The following CPZ variants were observed in gnomAD, a reference collection of about 807,000 sequenced individuals.
The protein encoded by CPZ is VEZT/CPZ fusion.
Under a neutral mutation model 61.8 loss-of-function variants are expected in CPZ, and 103 were observed. That is an observed-to-expected ratio of 1.67 (90% CI 1.42 to 1.96). The LOEUF (loss-of-function observed/expected upper bound fraction) is 1.96. CPZ is among the 30% of genes most tolerant of loss of function. CPZ has a pLI of 0.00. For missense variants in CPZ, 1,461 were observed against 914.9 expected (o/e 1.60, Z -7.70); for synonymous variants, 551 against 373.7 (o/e 1.47, Z -5.47).
At chr4:8,599,421 G>A (rs1338237391) in intron 1 of CPZ, 32 bp from the exon 2 acceptor site, 2 of 1,583,730 alleles carry the variant, frequency 1.3e-6, no homozygotes, top group East Asian at 4.5e-5. Flanking sequence ...TGGCGAGGCA[G>A]GTCCCTAACA....
rs1715134810 is a variant in CPZ at position 8,607,444 on chromosome 4, G to T, written c.1227+19G>T. The T allele has an allele frequency of 6.2e-7, 1 of 1,612,092 alleles. No individual in the cohort carries two copies. The highest frequency in any genetic ancestry group is 1.3e-5 in the African/African-American group (1 of 74,912). ...CGAGAAGGTGAGAGGGCTGTCGGGT[G>T]TGTGCAGGGGAGGGAGACAGTGTGC... On this transcript the variant is annotated intron_variant, in intron 7 of 10. Transcript: ENST00000360986.
chr4:8,605,903 G>A, intron 4 of CPZ, 86 bp from the exon 5 acceptor site: 1 of 1,353,034 alleles, frequency 7.4e-7, no homozygotes, highest in Non-Finnish European at 1.0e-6. Flanking sequence ...AGCCCATCTG[G>A]TCATTCTTGC....
chr4:8,592,823 G>A lies in CPZ; in HGVS notation c.-11G>A, dbSNP rs1352333617. On this transcript the variant is annotated 5_prime_UTR_variant, in exon 1 of 11. Coordinates refer to ENST00000360986, the MANE Select transcript of CPZ (RefSeq NM_001014447.3). ...TCACTGCGCTGGCCGTCCAAGGTCC[G>A]CCGCCCCACCATGCCGCCCCCGCTG... is the stretch of plus-strand genomic sequence containing the variant. 1.4e-6 allele frequency: 2 copies of A among 1,452,044 alleles called. No homozygotes were observed. The highest frequency in any genetic ancestry group is 9.0e-7 in the Non-Finnish European group (1 of 1,108,154). 89.9% of individuals were successfully genotyped at this position (1,452,044 alleles called of 1,614,324 possible).
intron 9 of CPZ, among the ~76,000 whole-genome samples, chr4:8,615,066 T>G (rs1716048730): frequency 6.6e-6 from 1 of 151,882 alleles, no homozygotes; most frequent in Admixed American, 6.6e-5. Flanking sequence ...GCTGTGTGGT[T>G]CAGGCAGGGT....
intron 1 of CPZ, among the ~76,000 whole-genome samples, chr4:8,597,800 G>C (rs559318782): frequency 6.6e-6 from 1 of 152,330 alleles, no homozygotes; most frequent in African/African-American, 2.4e-5. Flanking sequence ...CGTGTGCTGG[G>C]CTCGGACCAT....
chr4:8,594,716 T>C (rs1475067595), intron 1 of CPZ, among the ~76,000 whole-genome samples: 1 of 152,138 alleles, frequency 6.6e-6, no homozygotes, highest in Non-Finnish European at 1.5e-5. Flanking sequence ...TTTTATATTT[T>C]CTAGTAGCCA....
chr4:8,607,846 G>A (rs1715173706), intron 7 of CPZ, among the ~76,000 whole-genome samples: 1 of 152,144 alleles, frequency 6.6e-6, no homozygotes, highest in Non-Finnish European at 1.5e-5. Context: ...CCTGCTTCCC[G>A]GGGGTCGTGC....
intron 7 of CPZ, among the ~76,000 whole-genome samples, chr4:8,610,643 T>G (rs1320965585): frequency 6.6e-6 from 1 of 152,192 alleles, no homozygotes; most frequent in Non-Finnish European, 1.5e-5. Flanking sequence ...GACCGTTTGT[T>G]GGATGTGATT....
At chr4:8,602,495 G>C (rs546781014) in intron 3 of CPZ, 1 of 152,472 alleles carries the variant, frequency 6.6e-6, no homozygotes, top group South Asian at 2.1e-4. Context: ...CAACTGTGCA[G>C]GGCAGTGTCC....
chr4:8,617,426 A>C (rs1343327364), intron 9 of CPZ, among the ~76,000 whole-genome samples: 1 of 152,104 alleles, frequency 6.6e-6, no homozygotes, highest in African/African-American at 2.4e-5. Context: ...CTGCTTCCTG[A>C]CCCTGTGGGC....
rs1302242757 is a variant in CPZ at position 8,609,140 on chromosome 4, T to TCAGC, written c.1227+1717_1227+1718insGCCA. On this transcript the variant is annotated intron_variant, in intron 7 of 10. Coordinates refer to ENST00000360986, the MANE Select transcript of CPZ (RefSeq NM_001014447.3). The stretch of plus-strand genomic sequence containing the variant: ...CTCCCTCACTCATTCACTCATTTAC[T>TCAGC]CATTCACCCACTCCCTCACTCATTC... Among the ~76,000 whole-genome samples, 298 of 47,330 alleles carry TCAGC rather than the reference T, an allele frequency of 6.3e-3. 3 individuals carry two copies. The highest frequency in any genetic ancestry group is 0.039 in the South Asian group (52 of 1,338). The allele number at this position is 47,330 out of a possible 152,430, so 31.1% of individuals were successfully genotyped here. A position where few individuals can be genotyped will look rare whatever the true frequency, so the allele number is the denominator to read the frequency against.
intron 6 of CPZ, 137 bp from the exon 7 acceptor site, chr4:8,607,130 A>G (rs1230037918): frequency 1.7e-6 from 2 of 1,154,576 alleles, no homozygotes; most frequent in Non-Finnish European, 2.4e-6. Flanking sequence ...ATGGGGGCCG[A>G]GTCCAGCTGG....
At chr4:8,599,549 A>T (rs1174015504) in intron 2 of CPZ, 64 bp downstream of exon 2, 1 of 1,602,122 alleles carries the variant, frequency 6.2e-7, no homozygotes, top group Non-Finnish European at 8.5e-7. Context: ...ACACTGTCAG[A>T]GCACTTTAGG....
At chr4:8,595,395 A>T (rs1395205736) in intron 1 of CPZ, among the ~76,000 whole-genome samples, 1 of 152,234 alleles carries the variant, frequency 6.6e-6, no homozygotes, top group East Asian at 1.9e-4. Flanking sequence ...AATGGTGAAT[A>T]GCCTAACCAG....
At chr4:8,593,777 C>G (rs931635129) in intron 1 of CPZ, among the ~76,000 whole-genome samples, 2 of 152,178 alleles carry the variant, frequency 1.3e-5, no homozygotes, top group African/African-American at 4.8e-5. Context: ...CACAATACCC[C>G]ACCCCAGTGC....
chr4:8,615,372 A>C (rs1379729944), intron 9 of CPZ, among the ~76,000 whole-genome samples: 3 of 152,206 alleles, frequency 2.0e-5, no homozygotes, highest in African/African-American at 7.2e-5. Context: ...AGGGTCCAGG[A>C]TGTCACAGGG....
chr4:8,615,515 GGA>G (rs1219895602), intron 9 of CPZ, among the ~76,000 whole-genome samples: 1 of 152,240 alleles, frequency 6.6e-6, no homozygotes, highest in Non-Finnish European at 1.5e-5. Flanking sequence ...GCAGCAGCAA[GGA>G]GAGGTGAGGG....
intron 7 of CPZ, among the ~76,000 whole-genome samples, chr4:8,609,101 C>T (rs1268959239): frequency 1.8e-3 from 12 of 6,710 alleles, no homozygotes; most frequent in African/African-American, 2.4e-3. Flanking sequence ...TTCACTCACT[C>T]ACTCCCTTCC....
At chr4:8,593,251 G>A (rs1713931570) in intron 1 of CPZ, among the ~76,000 whole-genome samples, 1 of 152,170 alleles carries the variant, frequency 6.6e-6, no homozygotes, top group African/African-American at 2.4e-5. Context: ...GGGAGCAGGT[G>A]CCAGGACTTT....
Sources: allele counts gnomAD v4.1 joint callset (sites outside exome capture counted in the v4.1 genomes callset), GRCh38; gene constraint gnomAD v4.1.1; transcripts MANE v1.5; gene names NCBI Gene and HGNC (gene_info 2026-07-23, HGNC 2026-07-21).